The following COL19A1 variants were observed in gnomAD, a reference collection of about 807,000 sequenced individuals.
COL19A1 encodes the protein collagen type XIX alpha 1 chain, also known as collagen alpha-1(XIX) chain.
COL19A1 carries 159 observed loss-of-function variants against 190.2 expected under a neutral mutation model. That is an observed-to-expected ratio of 0.84 (90% CI 0.73 to 0.95). COL19A1 has a LOEUF of 0.95. Ranked by LOEUF, COL19A1 falls within the 40% of genes least tolerant of loss-of-function variation. COL19A1 has a pLI of 0.00. For synonymous variants in COL19A1, 509 were observed against 458.9 expected (o/e 1.11, Z -1.39); for missense variants, 1,418 against 1,431.9 (o/e 0.99, Z 0.16).
At chr6:70,086,173 A>G (rs1263810041) in intron 15 of COL19A1, among the ~76,000 whole-genome samples, 1 of 152,082 alleles carries the variant, frequency 6.6e-6, no homozygotes, top group African/African-American at 2.4e-5. Context: ...TCTATATTTT[A>G]CTACTCTAGA....
intron 2 of COL19A1, among the ~76,000 whole-genome samples, chr6:69,884,057 G>A (rs1582275419): frequency 1.3e-5 from 2 of 151,980 alleles, no homozygotes; most frequent in South Asian, 2.1e-4. Context: ...AGACCTGGCC[G>A]GGCTCGGTGG....
At chr6:70,165,153 A>T (rs1765069374) in intron 36 of COL19A1, among the ~76,000 whole-genome samples, 1 of 152,202 alleles carries the variant, frequency 6.6e-6, no homozygotes, top group Non-Finnish European at 1.5e-5. Context: ...AGAAAAGCAG[A>T]GTTATAGGAA....
rs76074382 is a variant in COL19A1 at position 70,019,559 on chromosome 6, T to G, written c.1027-4068T>G. Among the ~76,000 whole-genome samples, 1,391 of 152,282 alleles carry G rather than the reference T, an allele frequency of 9.1e-3. 21 individuals are homozygous for G. The highest frequency in any genetic ancestry group is 0.029 in the African/African-American group (1,222 of 41,572). On this transcript the variant is annotated intron_variant, in intron 11 of 50. Coordinates refer to ENST00000620364, the MANE Select transcript of COL19A1 (RefSeq NM_001858.6). ...TGTTTGGAAGAACATTAAATTCTGG[T>G]ACTTTTTGAAATTAGTTTTATCATA...
intron 11 of COL19A1, among the ~76,000 whole-genome samples, chr6:69,998,644 C>CAAA (rs34860121): frequency 1.6e-3 from 109 of 67,248 alleles, no homozygotes; most frequent in Middle Eastern, 9.8e-3. Context: ...GACTCCCTCT[C>CAAA]AAAAAAAAAA....
At position 70,156,156 on chromosome 6, in the gene COL19A1, C is replaced by T. The variant is rs1276577849; in HGVS notation, c.2109C>T (p.Val703=). 2 of 1,613,122 alleles carry T rather than the reference C, an allele frequency of 1.2e-6. No individual in the cohort carries two copies. The highest frequency in any genetic ancestry group is 1.3e-5 in the African/African-American group (1 of 74,970). The change falls in exon 32 of 51, where the codon GTC becomes GTT. Residue 703 remains valine (V), a synonymous_variant. Coordinates refer to ENST00000620364, the MANE Select transcript of COL19A1 (RefSeq NM_001858.6). The part of the protein sequence containing the change: ...KNFCGNCQAS[V]PGLKSNKGEE... The stretch of plus-strand genomic sequence containing the variant: ...TCTGTGGCAACTGCCAAGCCAGTGT[C>T]CCAGGGCTGAAAAGCAACAAAGGAG...
chr6:70,071,389 A>C (rs1781546936), intron 15 of COL19A1, among the ~76,000 whole-genome samples: 2 of 152,082 alleles, frequency 1.3e-5, no homozygotes, highest in Admixed American at 1.3e-4. Context: ...ATTATCATTT[A>C]AGCTGCTAAA....
Position 70,210,071 on chromosome 6 carries a change from A to G in COL19A1, c.*2797A>G, listed in dbSNP as rs574430527. The G allele has an allele frequency of 1.3e-5, 2 of 152,330 alleles. No individual in the cohort carries two copies. Among genetic ancestry groups the G allele is most frequent in the South Asian group, 4.1e-4 (2 of 4,830 alleles). 9.4% of individuals were successfully genotyped at this position (152,330 alleles called of 1,614,324 possible). ...TTAATGATGTTCAAAGCAGGGGAGA[A>G]GAATTATTCAATTTCATGAATAACT... On this transcript the variant is annotated 3_prime_UTR_variant, in exon 51 of 51. Transcript: ENST00000620364.
chr6:70,082,899 G>A (rs559015411), intron 15 of COL19A1, among the ~76,000 whole-genome samples: 15 of 152,158 alleles, frequency 9.9e-5, no homozygotes, highest in South Asian at 4.1e-4. Context: ...TAGATTCTTC[G>A]CCATGAGTGG....
chr6:70,107,020 G>A (rs1784020476), intron 16 of COL19A1, among the ~76,000 whole-genome samples: 1 of 152,152 alleles, frequency 6.6e-6, no homozygotes, highest in South Asian at 2.1e-4. Context: ...CAGTGTCTTA[G>A]GGAATCCTTA....
At position 69,914,225 on chromosome 6, in the gene COL19A1, A is replaced by G. The variant is rs541746876; in HGVS notation, c.267-13684A>G. ...ATCTGCCTGAATCCCCTCAGCAAAC[A>G]CAAAAGGGCTAAGATTTCAGAGTCT... On this transcript the variant is annotated intron_variant, in intron 4 of 50. Transcript: ENST00000620364. 9.2e-5 allele frequency among the ~76,000 whole-genome samples: 14 copies of G among 152,252 alleles called. No individual in the cohort carries two copies. In the South Asian group the frequency reaches 2.9e-3, roughly 32 times the overall value.
chr6:70,052,974 G>A (rs1252375835), intron 14 of COL19A1, among the ~76,000 whole-genome samples: 1 of 152,106 alleles, frequency 6.6e-6, no homozygotes, highest in Non-Finnish European at 1.5e-5. Context: ...AAAGTAACTG[G>A]TGGAATTCCA....
chr6:70,068,330 A>T, intron 14 of COL19A1, 93 bp from the exon 15 acceptor site: 1 of 878,442 alleles, frequency 1.1e-6, no homozygotes, highest in African/African-American at 1.6e-5. Flanking sequence ...AGTTTGTTTT[A>T]ATCAACAAAA....
chr6:70,191,411 G>A (rs1766865767), intron 48 of COL19A1, among the ~76,000 whole-genome samples: 1 of 152,040 alleles, frequency 6.6e-6, no homozygotes, highest in Admixed American at 6.5e-5. Flanking sequence ...TTGAAATGTT[G>A]TCTCTTGAAG....
intron 9 of COL19A1, 62 bp from the exon 10 acceptor site, chr6:69,959,934 A>G (rs1774667057): frequency 2.6e-6 from 4 of 1,521,638 alleles, no homozygotes; most frequent in Admixed American, 3.7e-5. Flanking sequence ...TAAAGACCAC[A>G]AAAACGTCTA....
At chr6:69,973,811 A>G (rs1775565047) in intron 11 of COL19A1, 1 of 152,252 alleles carries the variant, frequency 6.6e-6, no homozygotes, top group African/African-American at 2.4e-5. Context: ...ACCAAATATT[A>G]CATGACAGGT....
rs1284848553 is a variant in COL19A1 at position 70,162,110 on chromosome 6, C to A, written c.2346+157C>A. ...AGCCTCATCCAAGCTCTCAGATTTT[C>A]ATTTAGTATTACTTAAGGCTACTCA... On this transcript the variant is annotated intron_variant, in intron 35 of 50. Transcript: ENST00000620364. Among the ~76,000 whole-genome samples, 3 of 152,168 alleles carry A rather than the reference C, an allele frequency of 2.0e-5. No individual in the cohort carries two copies. The East Asian group carries it at 5.8e-4, about 29-fold the overall frequency.
rs114676837 is a variant in COL19A1, at chr6:70,104,378, T to C, written c.1278+2156T>C. Among the ~76,000 whole-genome samples the C allele has an allele frequency of 2.7e-3, 411 of 152,242 alleles. 3 individuals are homozygous for C. The highest frequency in any genetic ancestry group is 9.5e-3 in the African/African-American group (393 of 41,534). The stretch of plus-strand genomic sequence containing the variant: ...AAGGGGAAGCAAGCACATCTTCACA[T>C]GGCAGCAGGAAAGAGCGAGTGTGAA... On this transcript the variant is annotated intron_variant, in intron 16 of 50. Transcript: ENST00000620364.
In COL19A1 at chr6:70,102,188, G is replaced by C; in HGVS notation, c.1244G>C (p.Gly415Ala). The C allele has an allele frequency of 6.2e-7, 1 of 1,612,638 alleles. No individual in the cohort carries two copies. The change falls in exon 16 of 51, where the codon GGA (glycine) becomes GCA (alanine). Residue 415 changes from glycine to alanine, a missense_variant. Gly to Ala is a moderately conservative substitution (Grantham distance 60). Coordinates refer to ENST00000620364, the MANE Select transcript of COL19A1 (RefSeq NM_001858.6). ...TTCAAGGGAAGACGAGGGAAAACAGGACCTCCCGGAAAACCAGGACCCCCA... is the reference window on the plus strand; with the variant it reads ...TTCAAGGGAAGACGAGGGAAAACAGCACCTCCCGGAAAACCAGGACCCCCA... ...EGQRGRRGKT[G>A]PPGKPGPPGP...
At position 70,034,230 on chromosome 6, in the gene COL19A1, A is replaced by T; in HGVS notation, c.1081-15A>T. ...GCTTTCTGTGAACTGTGTATTGGTT[A>T]TATTCTTTCTACAGGGTTTGAAAGG... On this transcript the variant is annotated splice_polypyrimidine_tract_variant and intron_variant, in intron 12 of 50. Transcript: ENST00000620364. The T allele has an allele frequency of 6.3e-7, 1 of 1,590,202 alleles. No individual in the cohort carries two copies. The highest frequency in any genetic ancestry group is 8.6e-7 in the Non-Finnish European group (1 of 1,158,286).
Sources: gnomAD v4.1 joint callset for allele counts (sites outside exome capture counted in the v4.1 genomes callset) on GRCh38, gnomAD v4.1.1 for gene constraint, MANE v1.5 for transcripts, NCBI Gene and HGNC (gene_info 2026-07-23, HGNC 2026-07-21) for gene names.